SEL1L3: variants seen among roughly 807,000 people sequenced by gnomAD.
SEL1L3 encodes the protein SEL1L family member 3.
A neutral mutation model predicts 142.8 loss-of-function variants in SEL1L3; 76 were observed. The observed-to-expected ratio is 0.53, with a 90% CI of 0.44 to 0.64. The LOEUF is 0.64. Ranked by LOEUF, SEL1L3 falls within the 30% of genes least tolerant of loss-of-function variation. The pLI, the probability that SEL1L3 is intolerant of heterozygous loss-of-function variation, is 0.00. For synonymous variants in SEL1L3, 504 were observed against 519.6 expected (o/e 0.97, Z 0.41); for missense variants, 1,262 against 1,381.7 (o/e 0.91, Z 1.37).
At chr4:25,721,635 T>A in the SEL1L3 span, among the ~76,000 whole-genome samples, 1 of 152,110 alleles carries the variant, frequency 6.6e-6, no homozygotes. Context: ...TTGGACAAGA[T>A]GACAAAAGTA....
chr4:25,724,856 A>G, the SEL1L3 span, among the ~76,000 whole-genome samples: 1 of 151,936 alleles, frequency 6.6e-6, no homozygotes, highest in Admixed American at 6.6e-5. Context: ...TCTCCCTTGC[A>G]GCCCTCAGGG....
intron 20 of SEL1L3, among the ~76,000 whole-genome samples, chr4:25,762,628 A>C (rs1291371082): frequency 6.6e-6 from 1 of 152,222 alleles, no homozygotes; most frequent in Non-Finnish European, 1.5e-5. Flanking sequence ...AGGGTTAATA[A>C]TTAGAGACTA....
chr4:25,760,353 G>A (rs1406971956), intron 20 of SEL1L3, among the ~76,000 whole-genome samples: 1 of 152,102 alleles, frequency 6.6e-6, no homozygotes, highest in Non-Finnish European at 1.5e-5. Flanking sequence ...CTATGTCTTT[G>A]GTATTGTGAA....
rs758305178 is a variant in SEL1L3 at position 25,788,310 on chromosome 4, C to T, written c.2131G>A (p.Glu711Lys). 6.8e-6 allele frequency: 11 copies of T among 1,613,854 alleles called. No individual in the cohort carries two copies. Among genetic ancestry groups the T allele is most frequent in the Admixed American group, 6.7e-5 (4 of 60,008 alleles). Residue 711 changes from glutamate (E) to lysine (K), a missense_variant, in exon 13 of 24, where the codon GAA becomes AAA. By Grantham distance (56) the Glu-to-Lys change is moderately conservative. This residue lies in a region of SEL1L3 where 435 missense variants were observed against 559.2 expected (regional missense o/e 0.78). Transcript: ENST00000399878. This position sits in a 1 kb window ranked among gnomAD's most constrained non-coding sequence, Gnocchi z 5.3. ...TTGGCGTACCACTCAATTGCTGCTT[C>T]GGGATTCTTGGCCACACCTTGCTGC... ...WGQQGVAKNPEAAIEWYAKGA... is the reference protein window; with the variant it reads ...WGQQGVAKNPKAAIEWYAKGA...
rs1358040177 is a variant in SEL1L3, at chr4:25,776,666, T to A, written c.2586-306A>T. Reference sequence around the variant, plus strand: ...TCTACCAAGAGTTCTAGTACTCTATTAAGTCATGTTTACTGACTTATTATT... The same window carrying A: ...TCTACCAAGAGTTCTAGTACTCTATAAAGTCATGTTTACTGACTTATTATT... On this transcript the variant is annotated intron_variant, in intron 16 of 23. Coordinates refer to ENST00000399878, the MANE Select transcript of SEL1L3 (RefSeq NM_015187.5). 1.3e-5 allele frequency: 3 copies of A among 234,590 alleles called. No homozygotes were observed. In the East Asian group the frequency reaches 3.0e-4, roughly 23 times the overall value. The allele number at this position is 234,590 out of a possible 1,614,324, so 14.5% of individuals were successfully genotyped here.
intron 2 of SEL1L3, among the ~76,000 whole-genome samples, chr4:25,844,784 G>T (rs1211662851): frequency 3.9e-5 from 6 of 152,212 alleles, no homozygotes; most frequent in Non-Finnish European, 5.9e-5. Flanking sequence ...AGGTGGCCCT[G>T]TGGAAGGTAT....
chr4:25,796,376 C>G (rs1406565611), intron 11 of SEL1L3, among the ~76,000 whole-genome samples: 2 of 151,924 alleles, frequency 1.3e-5, no homozygotes, highest in Non-Finnish European at 2.9e-5. Flanking sequence ...AGGCATATCA[C>G]TTGAGCCGAG....
At chr4:25,823,857 G>C (rs1313652956) in intron 6 of SEL1L3, among the ~76,000 whole-genome samples, 1 of 152,074 alleles carries the variant, frequency 6.6e-6, no homozygotes, top group Non-Finnish European at 1.5e-5. Flanking sequence ...GGCAACCCAG[G>C]GTTATTTCAG....
chr4:25,782,142 T>C, intron 15 of SEL1L3, 100 bp downstream of exon 15: 2 of 1,022,846 alleles, frequency 2.0e-6, no homozygotes, highest in Non-Finnish European at 2.9e-6. Context: ...GGACAGGGAC[T>C]GTGTCTGGGG....
downstream of SEL1L3, among the ~76,000 whole-genome samples, chr4:25,746,701 C>G (rs1717282070): frequency 6.6e-6 from 1 of 151,706 alleles, no homozygotes. Context: ...TCTGCTTCTC[C>G]TTCGCCTTCT....
chr4:25,847,819 C>G lies in SEL1L3; in HGVS notation c.208G>C (p.Val70Leu). ...ACGCTCTGCTCAGCTTTGGGTATCA[C>G]TGATGTCGTCAGGGAAGTCTGCCTA... Reference protein sequence around the residue: ...LGRQTSLTTSVIPKAEQSVAY... With the variant: ...LGRQTSLTTSLIPKAEQSVAY... The change falls in exon 2 of 24, where the codon GTG becomes CTG. Residue 70 changes from valine (V) to leucine (L), a missense_variant. Transcript: ENST00000399878. 1 of 1,603,414 alleles carries G rather than the reference C, an allele frequency of 6.2e-7. No homozygotes were observed. The highest frequency in any genetic ancestry group is 8.5e-7 in the Non-Finnish European group (1 of 1,175,380).
the SEL1L3 span, among the ~76,000 whole-genome samples, chr4:25,722,623 G>GATTTTT: frequency 5.6e-5 from 7 of 125,122 alleles, no homozygotes; most frequent in South Asian, 2.1e-4. Context: ...TCCAAAGGAG[G>GATTTTT]CTTTTTTTTT....
chr4:25,740,204 C>T, the SEL1L3 span, among the ~76,000 whole-genome samples: 1 of 148,584 alleles, frequency 6.7e-6, no homozygotes, highest in Non-Finnish European at 1.5e-5. Flanking sequence ...GAGGCTGAGG[C>T]GGGTGGATTA....
intron 23 of SEL1L3, among the ~76,000 whole-genome samples, chr4:25,750,242 A>C (rs1471724130): frequency 7.3e-5 from 7 of 95,430 alleles, no homozygotes; most frequent in Non-Finnish European, 1.7e-4. Flanking sequence ...CTCAAAAAAA[A>C]AAAAAAAAAA....
intron 11 of SEL1L3, among the ~76,000 whole-genome samples, chr4:25,796,987 AAG>A (rs560435885): frequency 3.4e-3 from 508 of 151,310 alleles, no homozygotes; most frequent in Admixed American, 9.8e-3. Context: ...AGGAAGAGGA[AAG>A]AGAGAGGAAG....
chr4:25,776,909 C>T (rs1191009695), intron 16 of SEL1L3, among the ~76,000 whole-genome samples: 2 of 151,432 alleles, frequency 1.3e-5, no homozygotes, highest in South Asian at 2.1e-4. Flanking sequence ...AAAACCCCCC[C>T]ACAGATGTGA....
At chr4:25,748,699 A>T in intron 23 of SEL1L3, 135 bp from the exon 24 acceptor site, 1 of 788,912 alleles carries the variant, frequency 1.3e-6, no homozygotes, top group African/African-American at 1.7e-5. Flanking sequence ...TAGCCAGGCA[A>T]CTCTGGACCC....
intron 20 of SEL1L3, chr4:25,759,888 T>C (rs1718260247): frequency 1.3e-5 from 2 of 152,352 alleles, no homozygotes; most frequent in East Asian, 1.9e-4. Context: ...ATTGTTGCCA[T>C]TGAAAGAACT....
chr4:25,807,840 CA>C (rs1312030846), intron 9 of SEL1L3, among the ~76,000 whole-genome samples: 2 of 151,630 alleles, frequency 1.3e-5, no homozygotes, highest in Admixed American at 6.6e-5. Flanking sequence ...ATCTTTAGCA[CA>C]AAAAAAACTT....
Sources: gnomAD v4.1 joint callset for allele counts (sites outside exome capture counted in the v4.1 genomes callset) on GRCh38, gnomAD v4.1.1 for gene constraint, gnomAD v4.1.1 regional missense constraint, Gnocchi (gnomAD v3.1) non-coding constraint, MANE v1.5 for transcripts, NCBI Gene and HGNC (gene_info 2026-07-23, HGNC 2026-07-21) for gene names.